AUTS2: variants seen among roughly 807,000 people sequenced by gnomAD.
AUTS2 encodes activator of transcription and developmental regulator AUTS2, also known as autism susceptibility gene 2 protein.
AUTS2 carries 17 observed loss-of-function variants against 112.4 expected under a neutral mutation model. The observed-to-expected ratio is 0.15, with a 90% CI of 0.10 to 0.23. AUTS2 has a LOEUF of 0.23. AUTS2 is among the 10% of genes least tolerant of loss of function. The probability of loss-of-function intolerance (pLI) is 1.00; values close to 1 mark genes in which losing one functional copy is unlikely to be tolerated. For missense variants in AUTS2, 1,510 were observed against 1,701.6 expected (o/e 0.89, Z 1.98); for synonymous variants, 751 against 702.7 (o/e 1.07, Z -1.09).
intron 5 of AUTS2, among the ~76,000 whole-genome samples, chr7:70,450,668 A>G (rs1467586317): frequency 6.6e-6 from 1 of 152,194 alleles, no homozygotes; most frequent in Non-Finnish European, 1.5e-5. Flanking sequence ...ATGTAGGTGA[A>G]TGACACATCA....
intron 4 of AUTS2, among the ~76,000 whole-genome samples, chr7:70,175,982 G>A (rs1808967138): frequency 6.6e-6 from 1 of 152,106 alleles, no homozygotes; most frequent in South Asian, 2.1e-4. Context: ...AGGTATTCCT[G>A]TATTTTCATT....
At chr7:70,230,315 C>G (rs979419520) in intron 4 of AUTS2, among the ~76,000 whole-genome samples, 3 of 152,120 alleles carry the variant, frequency 2.0e-5, no homozygotes, top group African/African-American at 7.2e-5. Flanking sequence ...TTCTGTGCAG[C>G]ATGTTTCCCT....
rs138573433 is a variant in AUTS2 at position 69,939,545 on chromosome 7, G to A, written c.522+40047G>A. On this transcript the variant is annotated intron_variant, in intron 2 of 18. Coordinates refer to ENST00000342771, the MANE Select transcript of AUTS2 (RefSeq NM_015570.4). ...TCATGAAACACTATCTGTGTGAAGT[G>A]AGCTCTTTGATCCACAGTCTTTTAT... Among the ~76,000 whole-genome samples, 879 of 152,248 alleles carry A rather than the reference G, an allele frequency of 5.8e-3. 8 individuals carry two copies. Among genetic ancestry groups the A allele is most frequent in the African/African-American group, 0.02 (835 of 41,526 alleles).
chr7:70,624,638 A>T (rs1020263434), intron 5 of AUTS2, among the ~76,000 whole-genome samples: 2 of 151,990 alleles, frequency 1.3e-5, no homozygotes, highest in Non-Finnish European at 2.9e-5. Flanking sequence ...TTTTTCTTTC[A>T]TACCCTCCTG....
At chr7:70,707,204 A>T (rs1809785236) in intron 6 of AUTS2, among the ~76,000 whole-genome samples, 1 of 152,260 alleles carries the variant, frequency 6.6e-6, no homozygotes, top group South Asian at 2.1e-4. Context: ...TTAGAAAAGA[A>T]TTTAGAAATA....
chr7:70,700,148 T>TC (rs1017763042), intron 6 of AUTS2, among the ~76,000 whole-genome samples: 5 of 150,616 alleles, frequency 3.3e-5, no homozygotes, highest in Admixed American at 1.3e-4. Flanking sequence ...TCTGGTTCTT[T>TC]CCCCCCCTTT....
intron 5 of AUTS2, among the ~76,000 whole-genome samples, chr7:70,498,994 A>G (rs1409514021): frequency 1.3e-5 from 2 of 152,132 alleles, no homozygotes; most frequent in South Asian, 4.1e-4. Flanking sequence ...GGCAAGGAGA[A>G]TGGCTCCAGT....
At chr7:70,747,097 A>T (rs372703506) in intron 6 of AUTS2, among the ~76,000 whole-genome samples, 1 of 152,156 alleles carries the variant, frequency 6.6e-6, no homozygotes, top group African/African-American at 2.4e-5. Context: ...TAGGACAGCC[A>T]GGTAGACAAG....
At chr7:70,191,983 GAAAAAAA>G (rs879915648) in intron 4 of AUTS2, among the ~76,000 whole-genome samples, 1 of 141,272 alleles carries the variant, frequency 7.1e-6, no homozygotes. Flanking sequence ...AGGGGAGAAA[GAAAAAAA>G]AAAAGAAAAG....
chr7:70,103,947 G>A (rs1434481039), intron 2 of AUTS2, among the ~76,000 whole-genome samples: 1 of 151,584 alleles, frequency 6.6e-6, no homozygotes, highest in African/African-American at 2.4e-5. Context: ...ATAAAATAGT[G>A]TAAGAGTAGA....
intron 1 of AUTS2, among the ~76,000 whole-genome samples, chr7:69,830,374 T>C (rs576668781): frequency 9.9e-5 from 15 of 152,154 alleles, no homozygotes; most frequent in Non-Finnish European, 1.5e-4. Context: ...ACCTGTACAT[T>C]CTGCACATGT....
At chr7:69,674,353 C>A (rs1271747220) in intron 1 of AUTS2, among the ~76,000 whole-genome samples, 1 of 152,080 alleles carries the variant, frequency 6.6e-6, no homozygotes, top group African/African-American at 2.4e-5. Context: ...TGGTTAAGAC[C>A]AGGGGCTCTG....
At chr7:70,669,562 C>T (rs1200169848) in intron 5 of AUTS2, among the ~76,000 whole-genome samples, 2 of 152,134 alleles carry the variant, frequency 1.3e-5, no homozygotes, top group Non-Finnish European at 2.9e-5. Flanking sequence ...ATTGAAATGA[C>T]CTGCCTAAGG....
intron 2 of AUTS2, among the ~76,000 whole-genome samples, chr7:69,918,430 T>C (rs1795678748): frequency 2.0e-5 from 3 of 152,184 alleles, no homozygotes. Flanking sequence ...CCCTTTGGAG[T>C]CTTTTCATTG....
intron 5 of AUTS2, among the ~76,000 whole-genome samples, chr7:70,505,488 A>G (rs1016594657): frequency 5.3e-5 from 8 of 152,218 alleles, no homozygotes; most frequent in African/African-American, 1.9e-4. Flanking sequence ...AAGTGTCCTA[A>G]TGGAAAGGGC....
chr7:70,781,750 G>A lies in AUTS2; in HGVS notation c.2140G>A (p.Ala714Thr), dbSNP rs746177538. Residue 714 changes from alanine (A) to threonine (T), a missense_variant, in exon 15 of 19, where the codon GCC becomes ACC. Physicochemically the swap from Ala to Thr is moderately conservative, Grantham distance 58 (BLOSUM62 0). Transcript: ENST00000342771. ...GGCACGGCCTTCAACTTTGTTCTCT[G>A]CCGCTGGTGAGTGTGGGTTTGGGTG... ...DLARPSTLFS[A>T]AGAAHPTGTP... 1.9e-6 allele frequency: 3 copies of A among 1,614,020 alleles called. No individual in the cohort carries two copies. In the South Asian group the frequency reaches 3.3e-5, roughly 18 times the overall value.
chr7:70,735,320 A>G (rs1407475667), intron 6 of AUTS2, among the ~76,000 whole-genome samples: 3 of 152,228 alleles, frequency 2.0e-5, no homozygotes, highest in African/African-American at 2.4e-5. Context: ...TCAAAACGAC[A>G]TGGCAAATTC....
chr7:69,800,340 C>A (rs1229097456), intron 1 of AUTS2, among the ~76,000 whole-genome samples: 1 of 152,174 alleles, frequency 6.6e-6, no homozygotes, highest in African/African-American at 2.4e-5. Context: ...GAAATTAGGA[C>A]AGCAGGGAAA....
At chr7:69,662,034 T>C (rs1321321044) in intron 1 of AUTS2, among the ~76,000 whole-genome samples, 2 of 152,128 alleles carry the variant, frequency 1.3e-5, no homozygotes, top group African/African-American at 4.8e-5. Context: ...CTTTATTTGC[T>C]CCTTTTATCT....
Sources: gnomAD v4.1 joint callset for allele counts (sites outside exome capture counted in the v4.1 genomes callset) on GRCh38, gnomAD v4.1.1 for gene constraint, MANE v1.5 for transcripts, NCBI Gene and HGNC (gene_info 2026-07-23, HGNC 2026-07-21) for gene names.